MALRD1: variants seen among roughly 807,000 people sequenced by gnomAD.
The protein encoded by MALRD1 is MAM and LDL receptor class A domain containing 1, also known as MAM and LDL-receptor class A domain-containing protein 1.
MALRD1 carries 247 observed loss-of-function variants against 242.1 expected under a neutral mutation model. The observed-to-expected ratio is 1.02, with a 90% CI of 0.92 to 1.13. The LOEUF is 1.13. Among genes scored for constraint, MALRD1 ranks in the 50% most tolerant of loss-of-function variants. The pLI is 0.00. For synonymous variants in MALRD1, 995 were observed against 866.6 expected (o/e 1.15, Z -2.60); for missense variants, 2,989 against 2,533.1 (o/e 1.18, Z -3.86).
At chr10:19,732,059 TAAATGATTTCCTAAAGCACAGAGA>T (rs1346089445) in intron 39 of MALRD1, among the ~76,000 whole-genome samples, 1 of 152,130 alleles carries the variant, frequency 6.6e-6, no homozygotes. Context: ...AAACGGGAAG[TAAATGATTTCCTAAAGCACAGAGA>T]AAATGAATTT....
chr10:19,053,576 T>C (rs1834572783), intron 1 of MALRD1, among the ~76,000 whole-genome samples: 1 of 152,200 alleles, frequency 6.6e-6, no homozygotes, highest in South Asian at 2.1e-4. Flanking sequence ...TTAAAAGCAG[T>C]TCATTGTGTA....
intron 29 of MALRD1, among the ~76,000 whole-genome samples, chr10:19,451,972 A>T (rs992915753): frequency 8.5e-5 from 13 of 152,244 alleles, no homozygotes; most frequent in Admixed American, 3.9e-4. Flanking sequence ...ATGAAAGAAG[A>T]TGAGGTTTTG....
intron 29 of MALRD1, among the ~76,000 whole-genome samples, chr10:19,457,915 T>G (rs1416106058): frequency 2.6e-5 from 4 of 152,052 alleles, no homozygotes; most frequent in Non-Finnish European, 1.5e-5. Context: ...AGGCTTGTTT[T>G]ATTTTGGATT....
chr10:19,327,806 T>G (rs1577289), intron 23 of MALRD1, 133 bp downstream of exon 23: 2 of 653,634 alleles, frequency 3.1e-6, no homozygotes, highest in East Asian at 2.7e-5. Flanking sequence ...GTGGACACCA[T>G]GCTTAACACT....
At chr10:19,099,409 G>C (rs193119304) in intron 4 of MALRD1, among the ~76,000 whole-genome samples, 1 of 152,210 alleles carries the variant, frequency 6.6e-6, no homozygotes, top group African/African-American at 2.4e-5. Flanking sequence ...CAAGTGGCTT[G>C]AGTGCTGACC....
In MALRD1 at chr10:19,099,855, C is replaced by T. The variant is rs370291710; in HGVS notation, c.598-4124C>T. On this transcript the variant is annotated intron_variant, in intron 4 of 39. Coordinates refer to ENST00000454679, the MANE Select transcript of MALRD1 (RefSeq NM_001142308.3). ...ATCTCAGATTGCAACCTCTGCCTCC[C>T]GGGTTCAAGCGATTCTCCTGCCTCA... 7.3e-5 allele frequency among the ~76,000 whole-genome samples: 11 copies of T among 151,576 alleles called. No individual in the cohort carries two copies. The East Asian group carries it at 9.8e-4, about 13-fold the overall frequency.
At chr10:19,700,917 G>C (rs1461632840) in intron 38 of MALRD1, among the ~76,000 whole-genome samples, 1 of 152,112 alleles carries the variant, frequency 6.6e-6, no homozygotes, top group Admixed American at 6.6e-5. Context: ...CCAACACTTT[G>C]GGAGGCCAAG....
chr10:19,629,739 A>C (rs879645119), intron 36 of MALRD1, among the ~76,000 whole-genome samples: 24 of 151,540 alleles, frequency 1.6e-4, no homozygotes, highest in Non-Finnish European at 3.2e-4. Flanking sequence ...GAATGCTGAC[A>C]AAAAAGTTAT....
intron 21 of MALRD1, among the ~76,000 whole-genome samples, chr10:19,314,742 G>A (rs1353171250): frequency 6.6e-6 from 1 of 151,422 alleles, no homozygotes; most frequent in African/African-American, 2.4e-5. Flanking sequence ...TACTGCAAAG[G>A]TAGAGTTGAA....
chr10:19,535,538 T>C (rs895712095), intron 32 of MALRD1, among the ~76,000 whole-genome samples: 10 of 150,154 alleles, frequency 6.7e-5, no homozygotes, highest in African/African-American at 2.4e-4. Context: ...TGTATATACA[T>C]ATACATATAT....
chr10:19,659,487 C>A (rs901120032), intron 36 of MALRD1, among the ~76,000 whole-genome samples: 4 of 152,004 alleles, frequency 2.6e-5, no homozygotes, highest in Non-Finnish European at 5.9e-5. Context: ...ATATTCATTA[C>A]CACTGATATA....
At chr10:19,203,908 C>A (rs1836664034) in intron 15 of MALRD1, 28 bp downstream of exon 15, 1 of 1,549,778 alleles carries the variant, frequency 6.5e-7, no homozygotes. Context: ...ACTCTACAAC[C>A]ACTGCTATTT....
rs1833965368 is a variant in MALRD1, at chr10:19,427,997, A to G, written c.4846-22310A>G. 2.0e-5 allele frequency among the ~76,000 whole-genome samples: 3 copies of G among 152,274 alleles called. No homozygotes were observed. In the South Asian group the frequency reaches 6.2e-4, roughly 32 times the overall value. ...ATTGCATACACTAATTTCCTGAGCTAGAAGCATCAAGAGCTGTAAATACTT... is the reference window on the plus strand; with the variant it reads ...ATTGCATACACTAATTTCCTGAGCTGGAAGCATCAAGAGCTGTAAATACTT... On this transcript the variant is annotated intron_variant, in intron 28 of 39. Coordinates refer to ENST00000454679, the MANE Select transcript of MALRD1 (RefSeq NM_001142308.3).
chr10:19,465,486 C>T (rs1184844432), intron 29 of MALRD1, among the ~76,000 whole-genome samples: 1 of 152,142 alleles, frequency 6.6e-6, no homozygotes, highest in Non-Finnish European at 1.5e-5. Context: ...TGTTTCTTCA[C>T]ATACTCTCTG....
chr10:19,061,510 A>G (rs1448695753), intron 1 of MALRD1, among the ~76,000 whole-genome samples: 1 of 152,154 alleles, frequency 6.6e-6, no homozygotes, highest in Non-Finnish European at 1.5e-5. Flanking sequence ...GGAAAAGAAG[A>G]AAGTAAGAGG....
At chr10:19,323,451 TATC>T (rs1413119808) in intron 21 of MALRD1, among the ~76,000 whole-genome samples, 2 of 152,194 alleles carry the variant, frequency 1.3e-5, no homozygotes, top group African/African-American at 2.4e-5. Flanking sequence ...TACCAATTGA[TATC>T]ATTACAAGGA....
At chr10:19,114,423 G>A (rs1413039599) in intron 5 of MALRD1, among the ~76,000 whole-genome samples, 1 of 152,098 alleles carries the variant, frequency 6.6e-6, no homozygotes, top group Admixed American at 6.5e-5. Context: ...GATCACTTGA[G>A]GTCAGGAGTT....
chr10:19,125,086 C>T lies in MALRD1; in HGVS notation c.943+416C>T, dbSNP rs142775032. ...TCAGCCTCCCAAGCAGCTGGGACTA[C>T]AGGCACGTGCTACCATGCCTGGCTA... On this transcript the variant is annotated intron_variant, in intron 7 of 39. Coordinates refer to ENST00000454679, the MANE Select transcript of MALRD1 (RefSeq NM_001142308.3). Among the ~76,000 whole-genome samples, 923 of 151,228 alleles carry T rather than the reference C, an allele frequency of 6.1e-3. 15 individuals are homozygous for T. Among genetic ancestry groups the T allele is most frequent in the African/African-American group, 0.021 (866 of 41,224 alleles).
intron 5 of MALRD1, among the ~76,000 whole-genome samples, chr10:19,121,303 G>A (rs1837055927): frequency 6.6e-6 from 1 of 150,714 alleles, no homozygotes; most frequent in South Asian, 2.1e-4. Flanking sequence ...GGCCTCCCAA[G>A]TGCTGGGATT....
Sources: allele counts gnomAD v4.1 joint callset (sites outside exome capture counted in the v4.1 genomes callset), GRCh38; gene constraint gnomAD v4.1.1; transcripts MANE v1.5; gene names NCBI Gene and HGNC (gene_info 2026-07-23, HGNC 2026-07-21).